The following CDC14A variants were observed in gnomAD, a reference collection of about 807,000 sequenced individuals.
CDC14A encodes the protein cell division cycle 14A, also known as dual specificity protein phosphatase CDC14A.
A neutral mutation model predicts 74.4 loss-of-function variants in CDC14A; 53 were observed. The ratio of observed to expected loss-of-function variants is 0.71; its 90% CI spans 0.57 to 0.89. The LOEUF (loss-of-function observed/expected upper bound fraction) is 0.89, where lower values mean the gene tolerates loss of function less well. Ranked by LOEUF, CDC14A falls within the 40% of genes least tolerant of loss-of-function variation. The pLI is 0.00. For synonymous variants in CDC14A, 247 were observed against 258.4 expected (o/e 0.96, Z 0.43); for missense variants, 646 against 713.7 (o/e 0.91, Z 1.08).
At chr1:100,442,640 A>G (rs1386377604) in intron 6 of CDC14A, among the ~76,000 whole-genome samples, 1 of 151,942 alleles carries the variant, frequency 6.6e-6, no homozygotes, top group Non-Finnish European at 1.5e-5. Context: ...AATTTGTTTT[A>G]TTTCATTTTG....
At chr1:100,369,527 T>C (rs1654138098) in intron 2 of CDC14A, among the ~76,000 whole-genome samples, 1 of 152,226 alleles carries the variant, frequency 6.6e-6, no homozygotes, top group Non-Finnish European at 1.5e-5. Context: ...CTTGTGTTTC[T>C]TCTTTTGAGA....
chr1:100,367,463 T>G (rs912122094), intron 2 of CDC14A, among the ~76,000 whole-genome samples: 6 of 152,192 alleles, frequency 3.9e-5, no homozygotes, highest in Non-Finnish European at 8.8e-5. Context: ...CAGCATGGTG[T>G]GAACAACTAT....
chr1:100,352,794 C>T lies in CDC14A; in HGVS notation c.-161C>T. On this transcript the variant is annotated 5_prime_UTR_variant, in exon 1 of 16. Coordinates refer to ENST00000336454, the MANE Select transcript of CDC14A (RefSeq NM_003672.4). Reference sequence around the variant, plus strand: ...GTCCCCGGGGCGCCCGGCGCGCTGACCCCGAAGCCGCCTCCGCCTTCGGCG... The same window carrying T: ...GTCCCCGGGGCGCCCGGCGCGCTGATCCCGAAGCCGCCTCCGCCTTCGGCG... 1.4e-6 allele frequency: 2 copies of T among 1,436,532 alleles called. No homozygotes were observed. Among genetic ancestry groups the T allele is most frequent in the Non-Finnish European group, 1.8e-6 (2 of 1,101,826 alleles). The allele number at this position is 1,436,532 out of a possible 1,614,324, so 89.0% of individuals were successfully genotyped here. A position where few individuals can be genotyped will look rare whatever the true frequency, so the allele number is the denominator to read the frequency against.
chr1:100,492,401 A>G (rs979079505), intron 11 of CDC14A, among the ~76,000 whole-genome samples: 13 of 152,194 alleles, frequency 8.5e-5, no homozygotes, highest in Non-Finnish European at 1.3e-4. Context: ...TTTTAGTGCC[A>G]TATTTCTATT....
At chr1:100,366,529 T>C (rs1653640422) in intron 2 of CDC14A, among the ~76,000 whole-genome samples, 1 of 152,184 alleles carries the variant, frequency 6.6e-6, no homozygotes, top group East Asian at 1.9e-4. Context: ...GAGCTGCACA[T>C]GTTGAGTATG....
chr1:100,434,104 T>C (rs754904362), intron 5 of CDC14A, among the ~76,000 whole-genome samples: 34 of 152,240 alleles, frequency 2.2e-4, no homozygotes, highest in Non-Finnish European at 4.1e-4. Flanking sequence ...TTCATTTAGT[T>C]TTTCATTCAA....
intron 2 of CDC14A, among the ~76,000 whole-genome samples, chr1:100,365,065 C>T (rs1309164272): frequency 6.6e-6 from 1 of 152,200 alleles, no homozygotes; most frequent in Non-Finnish European, 1.5e-5. Flanking sequence ...CATCAAGGGA[C>T]AGGATTGATA....
chr1:100,466,068 A>C (rs1435482199), intron 9 of CDC14A, among the ~76,000 whole-genome samples: 2 of 151,946 alleles, frequency 1.3e-5, no homozygotes, highest in Non-Finnish European at 2.9e-5. Flanking sequence ...AAAATTATAG[A>C]CTCTTTTTTA....
rs1424306654 is a variant in CDC14A, at chr1:100,468,049, G to T, written c.932G>T (p.Cys311Phe). 6.2e-7 allele frequency: 1 copy of T among 1,613,420 alleles called. No individual in the cohort carries two copies. The change falls in exon 10 of 16, where the codon TGC becomes TTC. Residue 311 changes from cysteine to phenylalanine, a missense_variant. Cys to Phe is a radical substitution (Grantham distance 205). Transcript: ENST00000336454. ...GAAATAATTGCTTGGATTAGAATAT[G>T]CCGGCCAGGCTCTATTATAGGACCC... ...HAEIIAWIRI[C>F]RPGSIIGPQQ...
At chr1:100,418,015 T>G (rs1014292980) in intron 4 of CDC14A, among the ~76,000 whole-genome samples, 2 of 152,164 alleles carry the variant, frequency 1.3e-5, no homozygotes, top group Non-Finnish European at 2.9e-5. Flanking sequence ...GATGTGCTTA[T>G]GAGTTTCTAT....
In CDC14A at chr1:100,468,099, G is replaced by A. The variant is rs1668024625; in HGVS notation, c.977+5G>A. On this transcript the variant is annotated splice_donor_5th_base_variant and intron_variant, in intron 10 of 15. Transcript: ENST00000336454. Reference sequence around the variant, plus strand: ...CCAGCAGCACTTCCTGGAAGAGTAAGTATATTGTCCCCATTACCACATTAT... The same window carrying A: ...CCAGCAGCACTTCCTGGAAGAGTAAATATATTGTCCCCATTACCACATTAT... The A allele has an allele frequency of 2.5e-6, 4 of 1,613,688 alleles. No individual in the cohort carries two copies. Among genetic ancestry groups the A allele is most frequent in the Non-Finnish European group, 2.5e-6 (3 of 1,179,852 alleles).
chr1:100,453,350 A>C (rs868730995), intron 7 of CDC14A, among the ~76,000 whole-genome samples: 1 of 152,176 alleles, frequency 6.6e-6, no homozygotes, highest in Non-Finnish European at 1.5e-5. Context: ...AGAAATAGTG[A>C]CCGTAGAAAC....
chr1:100,446,627 TTAA>T (rs1665567652), intron 7 of CDC14A, among the ~76,000 whole-genome samples: 1 of 136,524 alleles, frequency 7.3e-6, no homozygotes, highest in South Asian at 2.5e-4. Context: ...ACAAAAATTA[TTAA>T]TGATGTATGT....
intron 1 of CDC14A, among the ~76,000 whole-genome samples, chr1:100,345,428 A>T (rs912010887): frequency 6.6e-6 from 1 of 152,162 alleles, no homozygotes; most frequent in Non-Finnish European, 1.5e-5. Flanking sequence ...ATTTAATTTT[A>T]CTGTTATTCT....
At chr1:100,348,260 C>G (rs191875627), upstream of CDC14A, among the ~76,000 whole-genome samples, 100 of 126,152 alleles carry the variant, frequency 7.9e-4, no homozygotes, top group Non-Finnish European at 1.3e-3. Flanking sequence ...CCAGCCTGGG[C>G]AACAGAGCAA....
At chr1:100,488,551 C>G (rs1014957466) in intron 11 of CDC14A, among the ~76,000 whole-genome samples, 6 of 152,180 alleles carry the variant, frequency 3.9e-5, no homozygotes, top group African/African-American at 1.4e-4. Flanking sequence ...TAAACTTCTT[C>G]TGGAATTACA....
intron 15 of CDC14A, among the ~76,000 whole-genome samples, chr1:100,514,544 C>T (rs1044319627): frequency 9.9e-5 from 15 of 152,114 alleles, no homozygotes; most frequent in African/African-American, 3.1e-4. Context: ...GGCAAATGCT[C>T]GCTGTCTTGA....
intron 15 of CDC14A, among the ~76,000 whole-genome samples, chr1:100,501,300 A>G (rs1648697159): frequency 6.6e-6 from 1 of 152,204 alleles, no homozygotes; most frequent in Admixed American, 6.5e-5. Context: ...CAGAATGCAG[A>G]TCTTTCCATT....
intron 8 of CDC14A, 32 bp from the exon 9 acceptor site, chr1:100,462,619 G>C: frequency 6.7e-7 from 1 of 1,489,974 alleles, no homozygotes; most frequent in Non-Finnish European, 9.4e-7. Context: ...TGAAATGCAT[G>C]CCTTTTGCTT....
Sources: allele counts gnomAD v4.1 joint callset (sites outside exome capture counted in the v4.1 genomes callset), GRCh38; gene constraint gnomAD v4.1.1; transcripts MANE v1.5; gene names NCBI Gene and HGNC (gene_info 2026-07-23, HGNC 2026-07-21).